The following MOK variants were observed in gnomAD, a reference collection of about 807,000 sequenced individuals.
MOK encodes MAPK/MAK/MRK overlapping kinase.
In MOK, 59 loss-of-function variants were observed where a neutral mutation model predicts 54.2. The ratio of observed to expected loss-of-function variants is 1.09; its 90% CI spans 0.88 to 1.35. The LOEUF (loss-of-function observed/expected upper bound fraction) is 1.35, where lower values mean the gene tolerates loss of function less well. Among genes scored for constraint, MOK ranks in the 40% most tolerant of loss-of-function variants. MOK has a pLI of 0.00. For synonymous variants in MOK, 210 were observed against 202.7 expected (o/e 1.04, Z -0.31); for missense variants, 517 against 526.2 (o/e 0.98, Z 0.17).
chr14:102,236,282 C>T lies in MOK; in HGVS notation c.591-2493G>A, dbSNP rs2065216042. 6.6e-6 allele frequency among the ~76,000 whole-genome samples: 1 copy of T among 151,454 alleles called. No homozygotes were observed. The highest frequency in any genetic ancestry group is 2.5e-5 in the African/African-American group (1 of 40,726). The stretch of plus-strand genomic sequence containing the variant: ...CACTGCATTGGAGCCCAGGGTAACT[C>T]TGCGAGTAGCAGGTAAGCCGATCTC... On this transcript the variant is annotated intron_variant, in intron 7 of 11. Coordinates refer to ENST00000361847, the MANE Select transcript of MOK (RefSeq NM_014226.3). The surrounding 1 kb of genome is among the most constrained non-coding windows in gnomAD (Gnocchi z 4.5).
rs928589523 is a variant in MOK at position 102,230,747 on chromosome 14, C to T, written c.981+960G>A. 2 of 152,740 alleles carry T rather than the reference C, an allele frequency of 1.3e-5. No homozygotes were observed. Among genetic ancestry groups the T allele is most frequent in the African/African-American group, 4.8e-5 (2 of 41,442 alleles). 9.5% of individuals were successfully genotyped at this position (152,740 alleles called of 1,614,324 possible). A position where few individuals can be genotyped will look rare whatever the true frequency, so the allele number is the denominator to read the frequency against. On this transcript the variant is annotated intron_variant, in intron 10 of 11. Coordinates refer to ENST00000361847, the MANE Select transcript of MOK (RefSeq NM_014226.3). This position sits in a 1 kb window ranked among gnomAD's most constrained non-coding sequence, Gnocchi z 4.1. Reference sequence around the variant, plus strand: ...GATGTAGGAGGCAAGAAGGCGAAGCCCCTGTGGGATGAAGGAAGGGTCCAC... The same window carrying T: ...GATGTAGGAGGCAAGAAGGCGAAGCTCCTGTGGGATGAAGGAAGGGTCCAC...
chr14:102,214,824 A>G, the MOK span: 1 of 981,262 alleles, frequency 1.0e-6, no homozygotes, highest in South Asian at 4.7e-5. Context: ...AAACTTTAGT[A>G]TCAGTATTGT....
intron 1 of MOK, among the ~76,000 whole-genome samples, chr14:102,283,828 C>A (rs946746533): frequency 2.0e-5 from 3 of 152,118 alleles, no homozygotes; most frequent in African/African-American, 7.2e-5. Context: ...TTACCTGGAT[C>A]CTGGCCAGTG....
intron 2 of MOK, among the ~76,000 whole-genome samples, chr14:102,274,255 A>ATT (rs11299524): frequency 4.2e-5 from 5 of 119,792 alleles, no homozygotes; most frequent in Non-Finnish European, 3.5e-5. Flanking sequence ...CCGTACCTGC[A>ATT]TTTTTTTTTT....
chr14:102,250,894 G>A lies in MOK; in HGVS notation c.508C>T (p.Pro170Ser), dbSNP rs144650917. The change falls in exon 7 of 12, where the codon CCG becomes TCG. Residue 170 changes from proline (P) to serine (S), a missense_variant. Coordinates refer to ENST00000361847, the MANE Select transcript of MOK (RefSeq NM_014226.3). ...EYISTRWYRA[P>S]ECLLTDGFYT... ...AACCCATCAGTGAGGAGACACTCCGGGGCCCGGTACCAGCGGGTGGAGATG... is the reference window on the plus strand; with the variant it reads ...AACCCATCAGTGAGGAGACACTCCGAGGCCCGGTACCAGCGGGTGGAGATG... The A allele has an allele frequency of 7.5e-4, 1,204 of 1,614,098 alleles. 8 individuals carry two copies. The African/African-American group carries it at 0.014, about 19-fold the overall frequency.
Position 102,249,945 on chromosome 14 carries a change from G to A in MOK, c.590+867C>T, listed in dbSNP as rs1654253976. On this transcript the variant is annotated intron_variant, in intron 7 of 11. Coordinates refer to ENST00000361847, the MANE Select transcript of MOK (RefSeq NM_014226.3). The surrounding 1 kb of genome is among the most constrained non-coding windows in gnomAD (Gnocchi z 5.3). ...GCTGGTGCACCGTGGGCCGTCTTGT[G>A]CGCTGGTGAGATACAGGTGGCCTTG... Among the ~76,000 whole-genome samples the A allele has an allele frequency of 6.6e-6, 1 of 152,094 alleles. No individual in the cohort carries two copies. Among genetic ancestry groups the A allele is most frequent in the Non-Finnish European group, 1.5e-5 (1 of 68,018 alleles).
downstream of MOK, chr14:102,226,094 C>T (rs2064228440): frequency 1.8e-6 from 1 of 563,114 alleles, no homozygotes; most frequent in African/African-American, 1.9e-5. The surrounding 1 kb of genome is among the most constrained non-coding windows in gnomAD (Gnocchi z 4.8). Context: ...CACGGTCGCA[C>T]TGCTGCCGCC....
Position 102,245,739 on chromosome 14 carries a change from T to C in MOK, c.590+5073A>G, listed in dbSNP as rs1383162198. On this transcript the variant is annotated intron_variant, in intron 7 of 11. Coordinates refer to ENST00000361847, the MANE Select transcript of MOK (RefSeq NM_014226.3). This position sits in a 1 kb window ranked among gnomAD's most constrained non-coding sequence, Gnocchi z 4.3. ...CCTTGTTGCTCACACAAAGCCTGTT[T>C]GGTGGTCTTTTCACATGGACGTGTG... 6.6e-6 allele frequency among the ~76,000 whole-genome samples: 1 copy of C among 152,200 alleles called. No individual in the cohort carries two copies. Among genetic ancestry groups the C allele is most frequent in the Non-Finnish European group, 1.5e-5 (1 of 68,024 alleles).
chr14:102,259,124 T>C (rs2153123309), intron 4 of MOK, among the ~76,000 whole-genome samples: 1 of 152,102 alleles, frequency 6.6e-6, no homozygotes, highest in Middle Eastern at 3.4e-3. Context: ...GCATCTGACA[T>C]GCTGCTTCTT....
At chr14:102,239,818 G>C (rs1263510655) in intron 7 of MOK, among the ~76,000 whole-genome samples, 1 of 152,130 alleles carries the variant, frequency 6.6e-6, no homozygotes, top group African/African-American at 2.4e-5. Context: ...GCAGTGAGCT[G>C]AGATTGTGCC....
downstream of MOK, among the ~76,000 whole-genome samples, chr14:102,221,389 CAG>C (rs142876451): frequency 1.2e-3 from 185 of 152,342 alleles, 2 homozygotes; most frequent in East Asian, 0.028. This position sits in a 1 kb window ranked among gnomAD's most constrained non-coding sequence, Gnocchi z 4.8. Context: ...GTGATGAAGG[CAG>C]AGTGTCCTGT....
At chr14:102,293,722 A>AAAAAG (rs1567242891) in intron 1 of MOK, among the ~76,000 whole-genome samples, 159 of 146,254 alleles carry the variant, frequency 1.1e-3, no homozygotes, top group African/African-American at 1.5e-3. Flanking sequence ...AAAAAAAAAA[A>AAAAAG]AAAAGAAAAG....
At chr14:102,299,482 T>G (rs1480236367) in intron 1 of MOK, among the ~76,000 whole-genome samples, 1 of 151,368 alleles carries the variant, frequency 6.6e-6, no homozygotes, top group Non-Finnish European at 1.5e-5. Flanking sequence ...ACCACTGCAC[T>G]CCAGCCTGGG....
At chr14:102,218,469 C>T in the MOK span, among the ~76,000 whole-genome samples, 1 of 152,366 alleles carries the variant, frequency 6.6e-6, no homozygotes, top group African/African-American at 2.4e-5. Context: ...TCCTATCTGG[C>T]TGTCAGAATC....
chr14:102,296,928 GA>G (rs1300463239), intron 1 of MOK, among the ~76,000 whole-genome samples: 8 of 151,976 alleles, frequency 5.3e-5, no homozygotes, highest in Admixed American at 3.3e-4. Context: ...CGTGGTGGCA[GA>G]CACTTGTAGT....
chr14:102,224,959 G>T (rs1403967520), downstream of MOK: 1 of 371,728 alleles, frequency 2.7e-6, no homozygotes, highest in Admixed American at 3.4e-5. Context: ...ATTGCTAGGT[G>T]CTGTCAGTTA....
At chr14:102,234,075 G>A in intron 7 of MOK, 1 of 301,190 alleles carries the variant, frequency 3.3e-6, no homozygotes, top group South Asian at 6.4e-5. Flanking sequence ...GCTTGGGGCT[G>A]CTTCCTCTGA....
At chr14:102,263,817 C>T (rs1232456785) in intron 3 of MOK, 2 of 421,816 alleles carry the variant, frequency 4.7e-6, no homozygotes, top group Non-Finnish European at 8.4e-6. Flanking sequence ...ACTAGCAAAA[C>T]CCAACTTTGA....
At chr14:102,214,688 A>C in the MOK span, 2 of 983,260 alleles carry the variant, frequency 2.0e-6, no homozygotes, top group Non-Finnish European at 2.4e-6. Flanking sequence ...TCAAAAGTAA[A>C]ATTCACATGT....
Sources: gnomAD v4.1 joint callset for allele counts (sites outside exome capture counted in the v4.1 genomes callset) on GRCh38, gnomAD v4.1.1 for gene constraint, Gnocchi (gnomAD v3.1) non-coding constraint, MANE v1.5 for transcripts, NCBI Gene and HGNC (gene_info 2026-07-23, HGNC 2026-07-21) for gene names.